Variants in NEDD9 observed in about 807,000 individuals in gnomAD.
NEDD9 encodes the protein enhancer of filamentation 1.
Under a neutral mutation model 76.6 loss-of-function variants are expected in NEDD9, and 26 were observed. That is an observed-to-expected ratio of 0.34 (90% confidence interval 0.25 to 0.47). The LOEUF is 0.47. Among genes scored for constraint, NEDD9 ranks in the 20% least tolerant of loss-of-function variants. NEDD9 has a pLI of 1.00. For missense variants in NEDD9, 937 were observed against 1,058.5 expected (o/e 0.89, Z 1.59); for synonymous variants, 392 against 414.2 (o/e 0.95, Z 0.65).
chr6:11,227,355 T>C (rs1288259046), intron 1 of NEDD9, among the ~76,000 whole-genome samples: 1 of 152,206 alleles, frequency 6.6e-6, no homozygotes, highest in Non-Finnish European at 1.5e-5. Flanking sequence ...GCTTACTATA[T>C]GCCAAGAGCC....
chr6:11,198,947 G>C lies in NEDD9; in HGVS notation c.460-5255C>G, dbSNP rs1435279100. The stretch of plus-strand genomic sequence containing the variant: ...GCAAGGGAATGTTAGGTGAAGTTGA[G>C]AAATCAGAAACTGTAGAAGAATGCA... On this transcript the variant is annotated intron_variant, in intron 2 of 6. Transcript: ENST00000379446. The surrounding 1 kb of genome is among the most constrained non-coding windows in gnomAD (Gnocchi z 4.7). 1 of 152,302 alleles carries C rather than the reference G, an allele frequency of 6.6e-6. No individual in the cohort carries two copies. Among genetic ancestry groups the C allele is most frequent in the African/African-American group, 2.4e-5 (1 of 41,464 alleles). The allele number at this position is 152,302 out of a possible 1,614,324, so 9.4% of individuals were successfully genotyped here.
Position 11,185,538 on chromosome 6 carries a change from A to G in NEDD9, c.2129T>C (p.Phe710Ser), listed in dbSNP as rs753684140. ...ATGGGTCTCACATTGGTCATAGTAG[A>G]AGCACAGCAACTGCCGATCCTGAGC... The part of the protein sequence containing the change: ...VSAQDRQLLC[F>S]YYDQCETHFI... The change falls in exon 7 of 7, where the codon TTC becomes TCC. Residue 710 changes from phenylalanine to serine, a missense_variant. Phe to Ser is a radical substitution (Grantham distance 155). Transcript: ENST00000379446. The G allele has an allele frequency of 4.3e-6, 7 of 1,614,224 alleles. No homozygotes were observed. Among genetic ancestry groups the G allele is most frequent in the Non-Finnish European group, 5.9e-6 (7 of 1,180,030 alleles).
chr6:11,244,603 T>C (rs925892617), intron 3 of NEDD9, among the ~76,000 whole-genome samples: 1 of 152,202 alleles, frequency 6.6e-6, no homozygotes, highest in Admixed American at 6.5e-5. Context: ...ATACATCCTC[T>C]TTTCTACAGT....
At chr6:11,234,712 ATTT>A (rs140513398), upstream of NEDD9, among the ~76,000 whole-genome samples, 377 of 136,966 alleles carry the variant, frequency 2.8e-3, no homozygotes, top group South Asian at 5.0e-3. Context: ...AACATTTTTA[ATTT>A]TTTTTTTTTT....
At chr6:11,322,249 C>T (rs1014757889) in intron 2 of NEDD9, among the ~76,000 whole-genome samples, 5 of 151,968 alleles carry the variant, frequency 3.3e-5, no homozygotes, top group African/African-American at 4.8e-5. Flanking sequence ...ACCTAGATGA[C>T]GGGTTGATAG....
At chr6:11,325,078 G>A (rs79812185) in intron 2 of NEDD9, among the ~76,000 whole-genome samples, 3,688 of 152,262 alleles carry the variant, frequency 0.024, 149 homozygotes, top group African/African-American at 0.078. Context: ...GTATCAGGCC[G>A]GGCACGGTGG....
intron 2 of NEDD9, among the ~76,000 whole-genome samples, chr6:11,326,795 C>T (rs1376200440): frequency 2.0e-5 from 3 of 152,216 alleles, no homozygotes; most frequent in South Asian, 2.1e-4. Flanking sequence ...TCCCCCTCCA[C>T]TCAGGAACAA....
Position 11,232,647 on chromosome 6 carries a change from G to T in NEDD9, c.-132C>A, listed in dbSNP as rs1359716823. 2.6e-6 allele frequency: 4 copies of T among 1,559,946 alleles called. No homozygotes were observed. Among genetic ancestry groups the T allele is most frequent in the Admixed American group, 3.7e-5 (2 of 54,632 alleles). On this transcript the variant is annotated 5_prime_UTR_variant, in exon 1 of 7. Transcript: ENST00000379446. ...TCCCGGGCAGAGCCGCTTGTCAGTCGCAGCGCCTCCCTCAAGTCTCTGAGC... is the reference window on the plus strand; with the variant it reads ...TCCCGGGCAGAGCCGCTTGTCAGTCTCAGCGCCTCCCTCAAGTCTCTGAGC...
intron 3 of NEDD9, among the ~76,000 whole-genome samples, chr6:11,276,057 A>C (rs901416495): frequency 6.6e-6 from 1 of 152,226 alleles, no homozygotes; most frequent in Non-Finnish European, 1.5e-5. Context: ...AATCTATAGT[A>C]AATTTGTGGA....
intron 3 of NEDD9, among the ~76,000 whole-genome samples, chr6:11,263,272 G>A (rs77116337): frequency 0.053 from 8,072 of 152,210 alleles, 215 homozygotes; most frequent in Middle Eastern, 0.13. Context: ...AACTCAAAGA[G>A]GTTCAAGAGT....
intron 1 of NEDD9, among the ~76,000 whole-genome samples, chr6:11,378,217 TG>T (rs1232485817): frequency 9.9e-5 from 15 of 152,186 alleles, no homozygotes; most frequent in Admixed American, 6.5e-5. Context: ...CACTCCAGCC[TG>T]GGTGACAGAG....
chr6:11,186,832 G>A (rs1210144841), intron 6 of NEDD9, among the ~76,000 whole-genome samples: 2 of 152,138 alleles, frequency 1.3e-5, no homozygotes, highest in Non-Finnish European at 2.9e-5. Context: ...TAGCCAGGAT[G>A]GTCTCGATCT....
At chr6:11,236,469 T>G (rs1470689734), upstream of NEDD9, among the ~76,000 whole-genome samples, 1 of 152,200 alleles carries the variant, frequency 6.6e-6, no homozygotes, top group Non-Finnish European at 1.5e-5. This position sits in a 1 kb window ranked among gnomAD's most constrained non-coding sequence, Gnocchi z 5.5. Flanking sequence ...TGTTGACAAC[T>G]TGGAATGAAC....
intron 1 of NEDD9, among the ~76,000 whole-genome samples, chr6:11,374,827 A>G (rs543789712): frequency 6.6e-6 from 1 of 152,352 alleles, no homozygotes; most frequent in Admixed American, 6.5e-5. Context: ...AGTGACAGTG[A>G]GAGTGAAAGC....
At position 11,253,201 on chromosome 6, in the gene NEDD9, G is replaced by A. The variant is rs183072660; in HGVS notation, c.13-39474C>T. 1.5e-3 allele frequency among the ~76,000 whole-genome samples: 229 copies of A among 152,254 alleles called. 1 individual carries two copies. Among genetic ancestry groups the A allele is most frequent in the African/African-American group, 5.0e-3 (206 of 41,542 alleles). ...CTCTTTGGCACTTTCATGAATGTGC[G>A]CAGTCGTTGAACTTACAACCCATGT... On this transcript the variant is annotated intron_variant, in intron 3 of 3. Transcript: ENST00000397378.
intron 1 of NEDD9, among the ~76,000 whole-genome samples, chr6:11,369,829 T>A (rs1383773937): frequency 6.6e-6 from 1 of 152,198 alleles, no homozygotes; most frequent in Non-Finnish European, 1.5e-5. Flanking sequence ...TATTCCAAAG[T>A]GTGGATTGCC....
intron 1 of NEDD9, among the ~76,000 whole-genome samples, chr6:11,355,487 G>A (rs369941480): frequency 7.2e-5 from 11 of 152,274 alleles, no homozygotes; most frequent in South Asian, 2.1e-4. Context: ...CTAGGGTGAC[G>A]AATTCATCCT....
intron 1 of NEDD9, among the ~76,000 whole-genome samples, chr6:11,360,717 G>C (rs1235783023): frequency 6.6e-6 from 1 of 152,200 alleles, no homozygotes; most frequent in African/African-American, 2.4e-5. Flanking sequence ...TTCCTGTATA[G>C]CCTGCAGAAC....
At chr6:11,279,251 C>T (rs924004754) in intron 3 of NEDD9, among the ~76,000 whole-genome samples, 1 of 152,248 alleles carries the variant, frequency 6.6e-6, no homozygotes, top group Non-Finnish European at 1.5e-5. Context: ...TGCTGCAGGA[C>T]TGCAGATGTT....
Sources: allele counts gnomAD v4.1 joint callset (sites outside exome capture counted in the v4.1 genomes callset), GRCh38; gene constraint gnomAD v4.1.1; non-coding constraint Gnocchi (gnomAD v3.1); transcripts MANE v1.5; gene names NCBI Gene and HGNC (gene_info 2026-07-23, HGNC 2026-07-21).